The following STEAP1B variants were observed in gnomAD, a reference collection of about 807,000 sequenced individuals.
The protein encoded by STEAP1B is STEAP family member 1B, also known as STEAP family protein MGC87042.
Under a neutral mutation model 27.9 loss-of-function variants are expected in STEAP1B, and 13 were observed. The observed-to-expected ratio is 0.47, with a 90% CI of 0.30 to 0.74. STEAP1B has a LOEUF of 0.74. Ranked by LOEUF, STEAP1B falls within the 30% of genes least tolerant of loss-of-function variation. STEAP1B has a pLI of 0.06. For missense variants in STEAP1B, 250 were observed against 298.7 expected (o/e 0.84, Z 1.20); for synonymous variants, 86 against 107.1 (o/e 0.80, Z 1.22).
At chr7:22,475,797 C>T (rs1460935162) in intron 4 of STEAP1B, among the ~76,000 whole-genome samples, 1 of 152,228 alleles carries the variant, frequency 6.6e-6, no homozygotes, top group Non-Finnish European at 1.5e-5. Context: ...ACAGGCTATC[C>T]AGGGACTTGA....
chr7:22,461,205 G>A (rs568396363), intron 4 of STEAP1B, among the ~76,000 whole-genome samples: 3 of 152,244 alleles, frequency 2.0e-5, no homozygotes, highest in Admixed American at 6.5e-5. Flanking sequence ...TTTCCGATGA[G>A]GTTTCAAGGT....
At chr7:22,454,955 C>T (rs993187269) in intron 4 of STEAP1B, among the ~76,000 whole-genome samples, 12 of 150,920 alleles carry the variant, frequency 8.0e-5, no homozygotes, top group Admixed American at 3.3e-4. Context: ...CTCCGCCTCC[C>T]GGGTTCAAGT....
intron 4 of STEAP1B, among the ~76,000 whole-genome samples, chr7:22,451,170 AT>A (rs1424882282): frequency 1.5e-4 from 22 of 150,344 alleles, no homozygotes; most frequent in African/African-American, 5.4e-4. Flanking sequence ...GTACTCCAGC[AT>A]GGGCGACAGA....
chr7:22,433,983 GGGAA>G (rs1331065405), intron 4 of STEAP1B, among the ~76,000 whole-genome samples: 1 of 152,180 alleles, frequency 6.6e-6, no homozygotes, highest in African/African-American at 2.4e-5. Context: ...CCTGACAGCT[GGGAA>G]GGATGTGTCC....
At chr7:22,422,429 T>C (rs1231980225) in intron 4 of STEAP1B, among the ~76,000 whole-genome samples, 5 of 152,080 alleles carry the variant, frequency 3.3e-5, no homozygotes, top group Admixed American at 3.3e-4. Flanking sequence ...CCAAATAGCT[T>C]GAGCAACAAC....
intron 4 of STEAP1B, chr7:22,438,502 A>T (rs1562567981): frequency 6.5e-7 from 1 of 1,550,212 alleles, no homozygotes; most frequent in Non-Finnish European, 8.7e-7. Context: ...AATCTGAAAG[A>T]TGATCAGCAA....
chr7:22,427,236 G>A (rs982388310), intron 4 of STEAP1B, among the ~76,000 whole-genome samples: 11 of 152,198 alleles, frequency 7.2e-5, no homozygotes, highest in South Asian at 4.1e-4. Context: ...GTGGAAAACC[G>A]ACTGCAGGGG....
intron 4 of STEAP1B, among the ~76,000 whole-genome samples, chr7:22,489,071 G>T (rs895563615): frequency 6.6e-6 from 1 of 152,192 alleles, no homozygotes; most frequent in Non-Finnish European, 1.5e-5. Context: ...GTTCAGAATA[G>T]ATTCAAACCA....
intron 4 of STEAP1B, among the ~76,000 whole-genome samples, chr7:22,462,893 G>A (rs1265914423): frequency 1.3e-5 from 2 of 152,046 alleles, no homozygotes; most frequent in African/African-American, 4.8e-5. Context: ...TCCAGCACCT[G>A]TTGTTTCCTG....
At chr7:22,469,821 TGAGTGCA>T (rs1177776961) in intron 4 of STEAP1B, among the ~76,000 whole-genome samples, 8 of 152,316 alleles carry the variant, frequency 5.3e-5, no homozygotes, top group African/African-American at 1.9e-4. Flanking sequence ...AAGTGATGCA[TGAGTGCA>T]TACTGCAGAG....
intron 4 of STEAP1B, among the ~76,000 whole-genome samples, chr7:22,475,839 C>T (rs749856734): frequency 5.9e-5 from 9 of 152,316 alleles, no homozygotes; most frequent in Non-Finnish European, 1.3e-4. Flanking sequence ...TCAAGGTTGC[C>T]AGGTGGAGGT....
intron 1 of STEAP1B, among the ~76,000 whole-genome samples, chr7:22,496,252 T>A (rs1009929645): frequency 3.3e-5 from 5 of 152,162 alleles, no homozygotes; most frequent in Non-Finnish European, 7.3e-5. Context: ...AAATATTTTG[T>A]ATGGCTGTAC....
chr7:22,478,775 T>A (rs1360759294), intron 4 of STEAP1B, among the ~76,000 whole-genome samples: 1 of 152,202 alleles, frequency 6.6e-6, no homozygotes, highest in Admixed American at 6.5e-5. Context: ...ATTGAGCACT[T>A]AAAATGCGAC....
chr7:22,450,595 TTTTG>T (rs1254372167), intron 4 of STEAP1B, among the ~76,000 whole-genome samples: 3 of 115,576 alleles, frequency 2.6e-5, no homozygotes, highest in Non-Finnish European at 5.9e-5. Flanking sequence ...ATTCCTGTAG[TTTTG>T]TTTTTTTTTT....
chr7:22,488,099 A>C (rs1451680949), intron 4 of STEAP1B, among the ~76,000 whole-genome samples: 4 of 152,204 alleles, frequency 2.6e-5, no homozygotes, highest in African/African-American at 9.6e-5. Context: ...ACCACATCTG[A>C]AACAGGTGGC....
chr7:22,456,972 A>ATATATATTTTTTTTTTTTT, intron 4 of STEAP1B, among the ~76,000 whole-genome samples: 9 of 57,038 alleles, frequency 1.6e-4, no homozygotes, highest in East Asian at 1.3e-3. Flanking sequence ...ATATATATAT[A>ATATATATTTTTTTTTTTTT]TTTTTTTTTT....
intron 4 of STEAP1B, among the ~76,000 whole-genome samples, chr7:22,491,091 T>C (rs563344829): frequency 6.6e-6 from 1 of 152,392 alleles, no homozygotes; most frequent in African/African-American, 2.4e-5. Flanking sequence ...GCAACTCATT[T>C]TCTGCAGATA....
chr7:22,453,427 T>A (rs1785522552), intron 4 of STEAP1B, among the ~76,000 whole-genome samples: 1 of 151,942 alleles, frequency 6.6e-6, no homozygotes, highest in African/African-American at 2.4e-5. Context: ...GTCATTGGCC[T>A]CAGGGAGGTT....
intron 4 of STEAP1B, among the ~76,000 whole-genome samples, chr7:22,476,547 A>G (rs1785975933): frequency 1.3e-5 from 2 of 152,210 alleles, no homozygotes; most frequent in African/African-American, 2.4e-5. Context: ...TCCCCTGTAT[A>G]GTCCACATTT....
Sources: gnomAD v4.1 joint callset for allele counts (sites outside exome capture counted in the v4.1 genomes callset) on GRCh38, gnomAD v4.1.1 for gene constraint, MANE v1.5 for transcripts, NCBI Gene and HGNC (gene_info 2026-07-23, HGNC 2026-07-21) for gene names.